The following NPAS3 variants were observed in gnomAD, a reference collection of about 807,000 sequenced individuals.
The protein encoded by NPAS3 is neuronal PAS domain protein 3, also known as neuronal PAS domain-containing protein 3.
A neutral mutation model predicts 73.1 loss-of-function variants in NPAS3; 14 were observed. The observed-to-expected ratio is 0.19, with a 90% confidence interval of 0.13 to 0.30. NPAS3 has a LOEUF of 0.30. Among genes scored for constraint, NPAS3 ranks in the 10% least tolerant of loss-of-function variants. The pLI is 1.00. For missense variants in NPAS3, 1,096 were observed against 1,250.0 expected (o/e 0.88, Z 1.86); for synonymous variants, 620 against 541.5 (o/e 1.14, Z -2.01).
chr14:33,087,508 A>G lies in NPAS3; in HGVS notation c.140+31514A>G, dbSNP rs2042077941. Reference sequence around the variant, plus strand: ...CCTCACTGCACTACAACTATAAAAAATAGATTCATGTTTATCAAGTGATTA... The same window carrying G: ...CCTCACTGCACTACAACTATAAAAAGTAGATTCATGTTTATCAAGTGATTA... On this transcript the variant is annotated intron_variant, in intron 2 of 11. Transcript: ENST00000356141. Among the ~76,000 whole-genome samples the G allele has an allele frequency of 2.6e-5, 4 of 152,226 alleles. No individual in the cohort carries two copies. The South Asian group carries it at 8.3e-4, about 32-fold the overall frequency.
Position 33,301,324 on chromosome 14 carries a change from T to TATATATATATATATATATATA in NPAS3, c.386-65862_386-65861insATATATATATATATATATATA, listed in dbSNP as rs56204986. Among the ~76,000 whole-genome samples the TATATATATATATATATATATA allele has an allele frequency of 6.5e-3, 490 of 75,398 alleles. 45 individuals are homozygous for TATATATATATATATATATATA. The highest frequency in any genetic ancestry group is 0.011 in the African/African-American group (193 of 17,696). 49.5% of individuals were successfully genotyped at this position (75,398 alleles called of 152,430 possible). A position where few individuals can be genotyped will look rare whatever the true frequency, so the allele number is the denominator to read the frequency against. On this transcript the variant is annotated intron_variant, in intron 3 of 11. Coordinates refer to ENST00000356141, the Ensembl canonical transcript of NPAS3. Reference sequence around the variant, plus strand: ...TTTATCATTATATATATATATATATTTTTTTTTTTTAAATCTAGCTGTAAT... The same window carrying TATATATATATATATATATATA: ...TTTATCATTATATATATATATATATTATATATATATATATATATATATTTTTTTTTTAAATCTAGCTGTAAT...
At chr14:33,638,029 T>C (rs1198509979) in intron 5 of NPAS3, among the ~76,000 whole-genome samples, 1 of 152,160 alleles carries the variant, frequency 6.6e-6, no homozygotes, top group Admixed American at 6.5e-5. Context: ...GAAAGGAGCA[T>C]GCATTTTATG....
At chr14:32,938,482 A>AGAGGG (rs2035781447), upstream of NPAS3, among the ~76,000 whole-genome samples, 1 of 15,058 alleles carries the variant, frequency 6.6e-5, no homozygotes, top group Non-Finnish European at 1.6e-4. Flanking sequence ...AGAGAGAGAG[A>AGAGGG]AATTGAGAGA....
intron 2 of NPAS3, among the ~76,000 whole-genome samples, chr14:33,065,237 AGTGGTGAGAAAGGT>A (rs2041238351): frequency 6.6e-6 from 1 of 152,176 alleles, no homozygotes; most frequent in African/African-American, 2.4e-5. Context: ...GAACGAAGCT[AGTGGTGAGAAAGGT>A]GTGGTGAGAA....
intron 6 of NPAS3, among the ~76,000 whole-genome samples, chr14:33,722,894 T>C (rs2061156006): frequency 6.6e-6 from 1 of 152,118 alleles, no homozygotes; most frequent in South Asian, 2.1e-4. Context: ...TGTGCTGGAA[T>C]TGAGCCATAA....
At chr14:33,476,462 G>T (rs1237375654) in intron 4 of NPAS3, among the ~76,000 whole-genome samples, 1 of 152,136 alleles carries the variant, frequency 6.6e-6, no homozygotes, top group Non-Finnish European at 1.5e-5. Context: ...AGAAGTGGAA[G>T]CAAATAAATA....
chr14:33,702,917 C>G (rs565104492), intron 6 of NPAS3, among the ~76,000 whole-genome samples: 5 of 152,138 alleles, frequency 3.3e-5, no homozygotes, highest in South Asian at 2.1e-4. Flanking sequence ...AAATATCCAC[C>G]TGACAATTTC....
intron 1 of NPAS3, among the ~76,000 whole-genome samples, chr14:32,990,026 G>C (rs959766701): frequency 5.3e-5 from 8 of 152,022 alleles, no homozygotes; most frequent in South Asian, 2.1e-4. Context: ...GATAAAGGAG[G>C]GAGTCACGAT....
chr14:33,152,588 C>T (rs923755923), intron 2 of NPAS3, among the ~76,000 whole-genome samples: 2 of 152,110 alleles, frequency 1.3e-5, no homozygotes, highest in African/African-American at 4.8e-5. Flanking sequence ...AAAAATGTCT[C>T]TATTACATCC....
At chr14:33,066,107 T>C (rs1440705591) in intron 2 of NPAS3, among the ~76,000 whole-genome samples, 1 of 152,116 alleles carries the variant, frequency 6.6e-6, no homozygotes, top group Non-Finnish European at 1.5e-5. Context: ...AGCATGCTTT[T>C]CCAGAGACTC....
intron 3 of NPAS3, among the ~76,000 whole-genome samples, chr14:33,302,861 G>T (rs1465690460): frequency 6.6e-6 from 1 of 150,446 alleles, no homozygotes; most frequent in East Asian, 1.9e-4. Flanking sequence ...GTATTTTAGA[G>T]TCCTATGGAT....
chr14:33,095,643 G>A (rs539577349), intron 2 of NPAS3, among the ~76,000 whole-genome samples: 2 of 148,574 alleles, frequency 1.3e-5, no homozygotes, highest in African/African-American at 5.0e-5. Context: ...ACACAAAGGC[G>A]TGGGCATTCT....
upstream of NPAS3, among the ~76,000 whole-genome samples, chr14:32,935,371 G>A (rs573579054): frequency 4.8e-4 from 73 of 152,280 alleles, no homozygotes; most frequent in African/African-American, 1.8e-3. Flanking sequence ...ATGCGGACCC[G>A]CGCATACGGA....
At chr14:33,432,251 A>T (rs1385109407) in intron 4 of NPAS3, among the ~76,000 whole-genome samples, 5 of 152,132 alleles carry the variant, frequency 3.3e-5, no homozygotes, top group Non-Finnish European at 1.5e-5. Context: ...TTTGGGAAAA[A>T]ATTGGTTTCC....
chr14:33,396,227 TCAC>T (rs2047217155), intron 4 of NPAS3, among the ~76,000 whole-genome samples: 1 of 152,180 alleles, frequency 6.6e-6, no homozygotes, highest in Non-Finnish European at 1.5e-5. Context: ...GTTGTAAACA[TCAC>T]AGCCATTGCT....
At chr14:33,794,151 T>C in intron 10 of NPAS3, 107 bp downstream of exon 10, 1 of 971,610 alleles carries the variant, frequency 1.0e-6, no homozygotes, top group Non-Finnish European at 1.5e-6. Context: ...CTTTTGACAG[T>C]ACCTGGTGTG....
chr14:33,404,193 G>A (rs1019849773), intron 4 of NPAS3, among the ~76,000 whole-genome samples: 6 of 152,062 alleles, frequency 3.9e-5, no homozygotes, highest in African/African-American at 1.4e-4. Context: ...TAATCTCTTT[G>A]GACTGAAGGA....
Position 33,471,057 on chromosome 14 carries a change from C to G in NPAS3, c.469-89064C>G, listed in dbSNP as rs796411128. ...TTGCACGTAGCCAGTTATACGCTGTCCTCCAGTCTCTTTCACGAGAGCTCT... is the reference window on the plus strand; with the variant it reads ...TTGCACGTAGCCAGTTATACGCTGTGCTCCAGTCTCTTTCACGAGAGCTCT... On this transcript the variant is annotated intron_variant, in intron 4 of 11. Coordinates refer to ENST00000356141, the Ensembl canonical transcript of NPAS3. 7.9e-5 allele frequency among the ~76,000 whole-genome samples: 12 copies of G among 152,274 alleles called. 1 individual carries two copies. Among genetic ancestry groups the G allele is most frequent in the African/African-American group, 2.9e-4 (12 of 41,560 alleles).
At chr14:32,974,799 A>G (rs74041756) in intron 1 of NPAS3, among the ~76,000 whole-genome samples, 21,367 of 151,744 alleles carry the variant, frequency 0.14, 1,554 homozygotes, top group South Asian at 0.19. Context: ...TTTACATCTC[A>G]TTGGTCAGAA....
Sources: allele counts gnomAD v4.1 joint callset (sites outside exome capture counted in the v4.1 genomes callset), GRCh38; gene constraint gnomAD v4.1.1; transcripts MANE v1.5; gene names NCBI Gene and HGNC (gene_info 2026-07-23, HGNC 2026-07-21).